DTNA: variants seen among roughly 807,000 people sequenced by gnomAD.
DTNA encodes dystrobrevin alpha.
DTNA carries 43 observed loss-of-function variants against 100.7 expected under a neutral mutation model. That is an observed-to-expected ratio of 0.43 (90% confidence interval 0.33 to 0.55). The LOEUF (loss-of-function observed/expected upper bound fraction) is 0.55. Ranked by LOEUF, DTNA falls within the 20% of genes least tolerant of loss-of-function variation. DTNA has a pLI of 0.04. For synonymous variants in DTNA, 349 were observed against 347.9 expected, an observed-to-expected ratio of 1.00 and a Z score of -0.04; for missense variants, 798 against 953.9, an observed-to-expected ratio of 0.84 and a Z score of 2.15.
At chr18:34,753,369 T>TATTTA (rs1568412667) in intron 1 of DTNA, among the ~76,000 whole-genome samples, 1 of 93,396 alleles carries the variant, frequency 1.1e-5, no homozygotes, top group Non-Finnish European at 2.1e-5. Flanking sequence ...TTATTTTATT[T>TATTTA]TTTTTTTTTT....
chr18:34,581,160 A>G (rs1180688493), intron 1 of DTNA, among the ~76,000 whole-genome samples: 1 of 152,168 alleles, frequency 6.6e-6, no homozygotes, highest in African/African-American at 2.4e-5. Context: ...AGGCAGGAGA[A>G]TGGCGTGAAC....
intron 3 of DTNA, among the ~76,000 whole-genome samples, chr18:34,785,581 C>T (rs1282894514): frequency 6.6e-6 from 1 of 152,146 alleles, no homozygotes; most frequent in Non-Finnish European, 1.5e-5. Context: ...TCCCATTGTA[C>T]AAATGAAGAA....
At chr18:34,806,090 C>T (rs761637939) in intron 4 of DTNA, 129 bp from the exon 5 acceptor site, 3 of 751,500 alleles carry the variant, frequency 4.0e-6, no homozygotes, top group South Asian at 3.2e-5. Context: ...CCACATAAGG[C>T]ATGCAGCTAT....
At chr18:34,881,922 T>C (rs1410725537) in intron 20 of DTNA, 147 bp from the exon 21 acceptor site, 6 of 1,061,786 alleles carry the variant, frequency 5.7e-6, no homozygotes, top group Non-Finnish European at 1.4e-6. Context: ...CCAAGTTTTT[T>C]TTAGGTATTA....
In DTNA at chr18:34,818,341, G is replaced by T; in HGVS notation, c.876+11G>T. 6 of 1,613,238 alleles carry T rather than the reference G, an allele frequency of 3.7e-6. No individual in the cohort carries two copies. The highest frequency in any genetic ancestry group is 5.1e-6 in the Non-Finnish European group (6 of 1,179,548). The stretch of plus-strand genomic sequence containing the variant: ...GAGTACACGTCATGGGTAAGGCAAG[G>T]TCCAGGCAATACTTGGAGTTGGATG... On this transcript the variant is annotated intron_variant, in intron 8 of 22. Transcript: ENST00000444659.
chr18:34,529,840 G>T (rs748163452), intron 1 of DTNA, among the ~76,000 whole-genome samples: 5 of 152,098 alleles, frequency 3.3e-5, no homozygotes, highest in Non-Finnish European at 1.5e-5. Context: ...TTAATCCAGG[G>T]TAGAGCAAAG....
intron 1 of DTNA, among the ~76,000 whole-genome samples, chr18:34,530,782 A>G (rs538413652): frequency 9.7e-4 from 147 of 152,272 alleles, no homozygotes; most frequent in African/African-American, 3.5e-3. Flanking sequence ...AACCAAAGCT[A>G]TCTGATCCAG....
intron 1 of DTNA, among the ~76,000 whole-genome samples, chr18:34,632,147 A>G (rs1162299981): frequency 6.6e-6 from 1 of 152,152 alleles, no homozygotes; most frequent in African/African-American, 2.4e-5. Context: ...TTGTAATGTA[A>G]ACTTCACAAA....
chr18:34,496,673 T>A (rs963186010), intron 1 of DTNA, among the ~76,000 whole-genome samples: 2 of 152,178 alleles, frequency 1.3e-5, no homozygotes, highest in Non-Finnish European at 1.5e-5. Flanking sequence ...CAAGTTTTAA[T>A]AAAATAATTA....
chr18:34,522,726 T>C (rs1009352956), intron 1 of DTNA, among the ~76,000 whole-genome samples: 1 of 152,146 alleles, frequency 6.6e-6, no homozygotes, highest in Non-Finnish European at 1.5e-5. Flanking sequence ...GTGGAAGGGC[T>C]CCTTGCAGAA....
chr18:34,869,491 A>G (rs538805829), intron 17 of DTNA, among the ~76,000 whole-genome samples: 10 of 152,224 alleles, frequency 6.6e-5, no homozygotes, highest in Admixed American at 1.3e-4. Flanking sequence ...CAGTAAGTTT[A>G]TATTTTCCTA....
chr18:34,591,610 C>A (rs751163231), intron 1 of DTNA, among the ~76,000 whole-genome samples: 5 of 152,200 alleles, frequency 3.3e-5, no homozygotes, highest in African/African-American at 4.8e-5. Context: ...TAAAGAAACA[C>A]AGTGACAGAA....
At chr18:34,563,480 C>A (rs1227875585) in intron 1 of DTNA, among the ~76,000 whole-genome samples, 1 of 152,126 alleles carries the variant, frequency 6.6e-6, no homozygotes, top group Non-Finnish European at 1.5e-5. Flanking sequence ...GTTATGGAAG[C>A]CTGGGGAAAC....
rs1199695756 is a variant in DTNA, at chr18:34,517,460, C to CGTGTGT, written c.-2+23969_-2+23974dup. Among the ~76,000 whole-genome samples the CGTGTGT allele has an allele frequency of 9.9e-3, 1,474 of 148,974 alleles. 10 individuals carry two copies. The highest frequency in any genetic ancestry group is 0.021 in the African/African-American group (859 of 40,368). On this transcript the variant is annotated intron_variant, in intron 1 of 19. Transcript: ENST00000283365. Reference sequence around the variant, plus strand: ...TCAGATTTAATAAGTTTTATATACACGTGTGTGTGTGTGTGTGTGTGTGTG... The same window carrying CGTGTGT: ...TCAGATTTAATAAGTTTTATATACACGTGTGTGTGTGTGTGTGTGTGTGTGTGTGTG...
intron 1 of DTNA, among the ~76,000 whole-genome samples, chr18:34,496,205 A>AACACACACACACACACACACAC (rs367764683): frequency 2.9e-5 from 4 of 138,594 alleles, no homozygotes; most frequent in East Asian, 2.2e-4. Flanking sequence ...CCCTCCCTGC[A>AACACACACACACACACACACAC]ACACACACAC....
intron 1 of DTNA, among the ~76,000 whole-genome samples, chr18:34,723,929 A>G (rs575172786): frequency 3.9e-5 from 6 of 152,258 alleles, no homozygotes; most frequent in African/African-American, 1.4e-4. Flanking sequence ...AAAGAAAAAA[A>G]AACTATGAAA....
chr18:34,704,966 A>T (rs1427687767), intron 1 of DTNA, among the ~76,000 whole-genome samples: 1 of 152,184 alleles, frequency 6.6e-6, no homozygotes, highest in African/African-American at 2.4e-5. Flanking sequence ...GGTTTACAGG[A>T]TATGGGAATG....
intron 13 of DTNA, among the ~76,000 whole-genome samples, chr18:34,844,339 A>G (rs946245100): frequency 6.6e-6 from 1 of 152,056 alleles, no homozygotes; most frequent in African/African-American, 2.4e-5. Context: ...AAGGGCCACT[A>G]CACTAAGCTT....
intron 18 of DTNA, 137 bp downstream of exon 18, chr18:34,875,535 T>G (rs1603336730): frequency 7.6e-7 from 1 of 1,318,030 alleles, no homozygotes; most frequent in Middle Eastern, 1.8e-4. Flanking sequence ...GAGCCTGGCC[T>G]GCCAGCCATT....
Sources: gnomAD v4.1 joint callset for allele counts (sites outside exome capture counted in the v4.1 genomes callset) on GRCh38, gnomAD v4.1.1 for gene constraint, MANE v1.5 for transcripts, NCBI Gene and HGNC (gene_info 2026-07-23, HGNC 2026-07-21) for gene names.